Variants in SDHD observed in about 807,000 individuals in gnomAD.
SDHD encodes the protein succinate dehydrogenase [ubiquinone] cytochrome b small subunit, mitochondrial.
A neutral mutation model predicts 18.7 loss-of-function variants in SDHD; 6 were observed. The observed-to-expected ratio is 0.32, with a 90% CI of 0.18 to 0.63. The LOEUF (loss-of-function observed/expected upper bound fraction) is 0.63, where lower values mean the gene tolerates loss of function less well. Among genes scored for constraint, SDHD ranks in the 30% least tolerant of loss-of-function variants. SDHD has a pLI of 0.79. For synonymous variants in SDHD, 56 were observed against 73.9 expected, an observed-to-expected ratio of 0.76 and a Z score of 1.24; for missense variants, 160 against 192.7, an observed-to-expected ratio of 0.83 and a Z score of 1.00.
intron 3 of SDHD, 163 bp downstream of exon 3, chr11:112,089,174 T>C: frequency 1.5e-6 from 1 of 685,506 alleles, no homozygotes; most frequent in South Asian, 1.9e-5. Context: ...TATATCTGCC[T>C]GCCTATTCAA....
rs1372574321 is a variant in SDHD at position 112,087,278 on chromosome 11, A to G, written c.52+319A>G. On this transcript the variant is annotated intron_variant, in intron 1 of 3. Transcript: ENST00000375549. ...ATGCTCCCCACTCGCTCCCACCCTGAGTCGGGAAAGAGGGTTAGGAGCTTG... is the reference window on the plus strand; with the variant it reads ...ATGCTCCCCACTCGCTCCCACCCTGGGTCGGGAAAGAGGGTTAGGAGCTTG... Among the ~76,000 whole-genome samples the G allele has an allele frequency of 2.6e-5, 4 of 152,028 alleles. No homozygotes were observed. The East Asian group carries it at 7.7e-4, about 29-fold the overall frequency.
chr11:112,092,762 T>C (rs947620254), intron 3 of SDHD, among the ~76,000 whole-genome samples: 3 of 152,202 alleles, frequency 2.0e-5, no homozygotes, highest in African/African-American at 7.2e-5. Flanking sequence ...CGATCTACTT[T>C]TAGGTGTATA....
chr11:112,087,089 A>C (rs1865625482), intron 1 of SDHD, 130 bp downstream of exon 1: 2 of 1,015,666 alleles, frequency 2.0e-6, no homozygotes, highest in African/African-American at 1.6e-5. Context: ...AGCAATGACC[A>C]CTGTAGTCTA....
At chr11:112,094,720 G>T (rs1865806746) in intron 3 of SDHD, 85 bp from the exon 4 acceptor site, 3 of 1,261,354 alleles carry the variant, frequency 2.4e-6, no homozygotes, top group Non-Finnish European at 3.4e-6. Flanking sequence ...TTGACAGATT[G>T]TTTTTTTGCA....
rs754422802 is a variant in SDHD at position 112,094,800 on chromosome 11, T to A, written c.315-5T>A. On this transcript the variant is annotated splice_polypyrimidine_tract_variant and splice_region_variant and intron_variant, in intron 3 of 3. Transcript: ENST00000375549. ...TTGATGTTATGATTTTTTCTTTTTC[T>A]TTAGGGGCCTTGGACAAGTTGTTAC... The A allele has an allele frequency of 5.6e-6, 9 of 1,611,332 alleles. No homozygotes were observed. The South Asian group carries it at 9.9e-5, about 18-fold the overall frequency.
chr11:112,089,710 C>T (rs1865709014), intron 3 of SDHD, among the ~76,000 whole-genome samples: 1 of 152,162 alleles, frequency 6.6e-6, no homozygotes, highest in Non-Finnish European at 1.5e-5. Flanking sequence ...TCCTTCATCT[C>T]CTTCAGGTCT....
Position 112,094,879 on chromosome 11 carries a change from C to T in SDHD, c.389C>T (p.Ala130Val), listed in dbSNP as rs1049692537. The change falls in exon 4 of 4, where the codon GCA (alanine) becomes GTA (valine). Residue 130 changes from alanine to valine, a missense_variant. By Grantham distance (64) the Ala-to-Val change is moderately conservative. Transcript: ENST00000375549. ...AAAGCTGCCAAGGCAGGGCTTTTGG[C>T]ACTTTCAGCTTTAACCTTTGCTGGG... ...LQKAAKAGLL[A>V]LSALTFAGLC... is the part of the protein sequence containing the mutation. 1 of 1,611,868 alleles carries T rather than the reference C, an allele frequency of 6.2e-7. No homozygotes were observed. Among genetic ancestry groups the T allele is most frequent in the Non-Finnish European group, 8.5e-7 (1 of 1,179,706 alleles).
chr11:112,088,131 T>G, intron 2 of SDHD, 158 bp downstream of exon 2: 1 of 741,192 alleles, frequency 1.3e-6, no homozygotes, highest in South Asian at 1.4e-5. Context: ...GACAGTGCCA[T>G]TATGGTTGAA....
intron 1 of SDHD, among the ~76,000 whole-genome samples, chr11:112,087,366 C>G (rs1452456524): frequency 6.6e-6 from 1 of 152,108 alleles, no homozygotes; most frequent in Non-Finnish European, 1.5e-5. Flanking sequence ...GTTCGAAAAT[C>G]ATTTAACCTG....
intron 1 of SDHD, 64 bp downstream of exon 1, chr11:112,087,023 G>T: frequency 6.3e-7 from 1 of 1,577,418 alleles, no homozygotes; most frequent in Non-Finnish European, 8.7e-7. Flanking sequence ...GGATGGAAGT[G>T]AGGACTCATC....
chr11:112,088,189 A>G (rs1422112601), intron 2 of SDHD: 2 of 589,244 alleles, frequency 3.4e-6, no homozygotes, highest in Non-Finnish European at 6.0e-6. Context: ...AGTCTTTACA[A>G]ATTTTTTTCT....
rs182289333 is a variant in SDHD at position 112,091,844 on chromosome 11, G to A, written c.314+2833G>A. Reference sequence around the variant, plus strand: ...AGCACTTTGGGAGGCCGAGGCGGGCGGATCATGAGGTCAGGAGTTTGAGAC... The same window carrying A: ...AGCACTTTGGGAGGCCGAGGCGGGCAGATCATGAGGTCAGGAGTTTGAGAC... On this transcript the variant is annotated intron_variant, in intron 3 of 3. Coordinates refer to ENST00000375549, the MANE Select transcript of SDHD (RefSeq NM_003002.4). Among the ~76,000 whole-genome samples the A allele has an allele frequency of 7.4e-3, 1,133 of 152,272 alleles. 23 individuals carry two copies. Among genetic ancestry groups the A allele is most frequent in the African/African-American group, 0.026 (1,073 of 41,558 alleles).
intron 3 of SDHD, among the ~76,000 whole-genome samples, chr11:112,094,253 C>G (rs1336500325): frequency 6.6e-6 from 1 of 152,070 alleles, no homozygotes; most frequent in Non-Finnish European, 1.5e-5. Context: ...CAAAAATTAG[C>G]TGGGTGTGGT....
intron 2 of SDHD, chr11:112,088,647 G>GAT (rs2135268676): frequency 1.6e-6 from 1 of 614,154 alleles, no homozygotes. Context: ...TAGGCATTGA[G>GAT]ATACCCTTGT....
chr11:112,087,241 A>G (rs1433701157), intron 1 of SDHD, among the ~76,000 whole-genome samples: 1 of 152,002 alleles, frequency 6.6e-6, no homozygotes, highest in East Asian at 1.9e-4. Flanking sequence ...CTCCCCGTTC[A>G]CTGTCCCTAG....
Position 112,086,927 on chromosome 11 carries a change from T to G in SDHD, c.20T>G (p.Leu7Arg), listed in dbSNP as rs1865619523. The G allele has an allele frequency of 6.2e-7, 1 of 1,614,210 alleles. No individual in the cohort carries two copies. The highest frequency in any genetic ancestry group is 1.1e-5 in the South Asian group (1 of 91,090). MAVLWR[L>R]SAVCGALGGR... is the part of the protein sequence containing the mutation. ...AACGAGATGGCGGTTCTCTGGAGGC[T>G]GAGTGCCGTTTGCGGTGCCCTAGGA... The change falls in exon 1 of 4, where the codon CTG becomes CGG. Residue 7 changes from leucine to arginine, a missense_variant. Leu to Arg is a moderately radical substitution (Grantham distance 102, BLOSUM62 -2). Transcript: ENST00000375549.
rs199954470 is a variant in SDHD at position 112,095,532 on chromosome 11, G to T, written c.*562G>T. 1 of 234,188 alleles carries T rather than the reference G, an allele frequency of 4.3e-6. No homozygotes were observed. The highest frequency in any genetic ancestry group is 2.2e-5 in the African/African-American group (1 of 45,216). 14.5% of individuals were successfully genotyped at this position (234,188 alleles called of 1,614,324 possible). On this transcript the variant is annotated 3_prime_UTR_variant, in exon 4 of 4. Coordinates refer to ENST00000375549, the MANE Select transcript of SDHD (RefSeq NM_003002.4). ...AAATTTCTAAATCCTAGGAAGAAAC[G>T]CTTGGAGTGCTTCTGAATATACAGA...
chr11:112,093,882 C>T (rs1355155298), intron 3 of SDHD, among the ~76,000 whole-genome samples: 1 of 152,160 alleles, frequency 6.6e-6, no homozygotes, highest in African/African-American at 2.4e-5. Flanking sequence ...TTTTCCTTCT[C>T]ATTCACTAGT....
At chr11:112,093,354 C>T (rs1170622372) in intron 3 of SDHD, 1 of 182,866 alleles carries the variant, frequency 5.5e-6, no homozygotes, top group African/African-American at 2.4e-5. Context: ...GTGTGAGCCA[C>T]CACGCCCAGT....
Sources: allele counts gnomAD v4.1 joint callset (sites outside exome capture counted in the v4.1 genomes callset), GRCh38; gene constraint gnomAD v4.1.1; transcripts MANE v1.5; gene names NCBI Gene and HGNC (gene_info 2026-07-23, HGNC 2026-07-21).